The following SEC14L1 variants were observed in gnomAD, a reference collection of about 807,000 sequenced individuals.
The protein encoded by SEC14L1 is SEC14-like protein 1.
In SEC14L1, 48 loss-of-function variants were observed where a neutral mutation model predicts 85.3. The ratio of observed to expected loss-of-function variants is 0.56; its 90% confidence interval spans 0.45 to 0.72. The LOEUF (loss-of-function observed/expected upper bound fraction) is 0.72, where lower values mean the gene tolerates loss of function less well. Ranked by LOEUF, SEC14L1 falls within the 30% of genes least tolerant of loss-of-function variation. SEC14L1 has a pLI of 0.00. For missense variants in SEC14L1, 682 were observed against 921.4 expected (o/e 0.74, Z 3.36); for synonymous variants, 391 against 355.5 (o/e 1.10, Z -1.12).
At chr17:77,103,601 C>A (rs1188753693) in intron 3 of SEC14L1, among the ~76,000 whole-genome samples, 1 of 103,928 alleles carries the variant, frequency 9.6e-6, no homozygotes, top group East Asian at 2.9e-4. Flanking sequence ...GCCCCCATGC[C>A]CAGCTGATTT....
intron 8 of SEC14L1, chr17:77,198,827 C>T (rs1975956311): frequency 1.3e-5 from 2 of 152,272 alleles, no homozygotes; most frequent in South Asian, 4.1e-4. Context: ...CCGCCTCGGC[C>T]TCCCAGAGTG....
At chr17:77,135,782 C>G (rs1972777567) in intron 3 of SEC14L1, among the ~76,000 whole-genome samples, 1 of 152,142 alleles carries the variant, frequency 6.6e-6, no homozygotes, top group African/African-American at 2.4e-5. Flanking sequence ...CTCAAGCAAT[C>G]CTTCCAACTT....
At chr17:77,193,983 G>C (rs998113482) in intron 6 of SEC14L1, among the ~76,000 whole-genome samples, 4 of 152,194 alleles carry the variant, frequency 2.6e-5, no homozygotes, top group African/African-American at 9.6e-5. Context: ...GGGAATTGTG[G>C]TTTTGAAATC....
At chr17:77,092,213 T>C (rs1245252227) in intron 2 of SEC14L1, among the ~76,000 whole-genome samples, 1 of 152,190 alleles carries the variant, frequency 6.6e-6, no homozygotes, top group Non-Finnish European at 1.5e-5. Flanking sequence ...AGCACACAGA[T>C]TGAGAAGTGA....
At chr17:77,167,645 G>C (rs897318262) in intron 3 of SEC14L1, among the ~76,000 whole-genome samples, 2 of 152,128 alleles carry the variant, frequency 1.3e-5, no homozygotes, top group East Asian at 3.9e-4. Flanking sequence ...GTGTGATACT[G>C]ATGCAGGATT....
At chr17:77,157,187 A>G (rs1973851938) in intron 3 of SEC14L1, among the ~76,000 whole-genome samples, 1 of 152,236 alleles carries the variant, frequency 6.6e-6, no homozygotes, top group South Asian at 2.1e-4. Context: ...CAGAACTAAA[A>G]GCTACAGGGT....
chr17:77,166,013 G>C (rs2143658535), intron 3 of SEC14L1, among the ~76,000 whole-genome samples: 1 of 152,336 alleles, frequency 6.6e-6, no homozygotes, highest in Admixed American at 6.5e-5. Context: ...TGGACTGTGG[G>C]CCTGACAGCG....
chr17:77,131,674 G>C (rs1293359748), intron 3 of SEC14L1, among the ~76,000 whole-genome samples: 2 of 152,226 alleles, frequency 1.3e-5, no homozygotes, highest in Non-Finnish European at 2.9e-5. Flanking sequence ...TAAATGAATA[G>C]AGTGGAGATG....
intron 3 of SEC14L1, among the ~76,000 whole-genome samples, chr17:77,183,010 C>G (rs529028679): frequency 5.9e-5 from 9 of 152,374 alleles, no homozygotes; most frequent in African/African-American, 2.2e-4. Flanking sequence ...GCCACCACCT[C>G]GACCAGAGCT....
intron 3 of SEC14L1, among the ~76,000 whole-genome samples, chr17:77,118,731 G>C (rs910819599): frequency 1.3e-5 from 2 of 152,206 alleles, no homozygotes; most frequent in African/African-American, 4.8e-5. Flanking sequence ...GATGTTCGTA[G>C]CAGGCGTGCA....
In SEC14L1 at chr17:77,196,251, G is replaced by C; in HGVS notation, c.759G>C (p.Pro253=). Residue 253 remains proline (P), a synonymous_variant, in exon 8 of 17, where the codon CCG becomes CCC. Coordinates refer to ENST00000436233, the MANE Select transcript of SEC14L1 (RefSeq NM_001143998.2). ...AGAGATACCTGGGCGATTTGACTCC[G>C]CTGCAGGAGAGCTGCCTCATTAGAC... The part of the protein sequence containing the change: ...YIKRYLGDLT[P]LQESCLIRLR... 6.2e-7 allele frequency: 1 copy of C among 1,614,134 alleles called. No individual in the cohort carries two copies. The highest frequency in any genetic ancestry group is 8.5e-7 in the Non-Finnish European group (1 of 1,180,014).
At chr17:77,139,720 G>T (rs372155855), upstream of SEC14L1, among the ~76,000 whole-genome samples, 10 of 151,360 alleles carry the variant, frequency 6.6e-5, no homozygotes, top group Non-Finnish European at 1.5e-5. Context: ...GGATGGTCTC[G>T]ATCTCCTGAC....
chr17:77,200,858 C>T (rs1196059080), intron 9 of SEC14L1, among the ~76,000 whole-genome samples, 185 bp downstream of exon 9: 2 of 152,216 alleles, frequency 1.3e-5, no homozygotes, highest in African/African-American at 4.8e-5. Context: ...GGCACACTCC[C>T]GTCCCGCCCC....
chr17:77,141,526 T>A (rs764807078), intron 1 of SEC14L1: 3 of 152,096 alleles, frequency 2.0e-5, no homozygotes, highest in Non-Finnish European at 4.4e-5. Flanking sequence ...TCGAGCCTGC[T>A]CGGGATGCGT....
At chr17:77,138,352 T>C (rs1376761186), upstream of SEC14L1, among the ~76,000 whole-genome samples, 1 of 152,156 alleles carries the variant, frequency 6.6e-6, no homozygotes, top group African/African-American at 2.4e-5. Flanking sequence ...CAGGGTGCTG[T>C]GGTTCACTCC....
At chr17:77,199,103 C>G (rs1426126889) in intron 8 of SEC14L1, 1 of 150,154 alleles carries the variant, frequency 6.7e-6, no homozygotes, top group Non-Finnish European at 1.5e-5. Context: ...CCTCCAGGTT[C>G]AAGTGATTCT....
intron 8 of SEC14L1, 81 bp downstream of exon 8, chr17:77,196,392 A>G (rs1409487350): frequency 2.2e-5 from 18 of 812,834 alleles, no homozygotes; most frequent in Non-Finnish European, 3.4e-5. Context: ...AGTCACCAAG[A>G]GTGATATTCC....
intron 9 of SEC14L1, 61 bp from the exon 10 acceptor site, chr17:77,203,509 G>A: frequency 1.4e-6 from 2 of 1,426,108 alleles, no homozygotes; most frequent in South Asian, 2.3e-5. Flanking sequence ...GGGTCTTAGA[G>A]TTGTATCCTC....
chr17:77,118,511 C>T (rs924321658), intron 3 of SEC14L1, among the ~76,000 whole-genome samples: 32 of 152,270 alleles, frequency 2.1e-4, no homozygotes, highest in African/African-American at 7.2e-5. Flanking sequence ...GGACTGTCCC[C>T]GAGCCTCATA....
Sources: gnomAD v4.1 joint callset for allele counts (sites outside exome capture counted in the v4.1 genomes callset) on GRCh38, gnomAD v4.1.1 for gene constraint, MANE v1.5 for transcripts, NCBI Gene and HGNC (gene_info 2026-07-23, HGNC 2026-07-21) for gene names.